GAB2: variants seen among roughly 807,000 people sequenced by gnomAD.
GAB2 encodes the protein GRB2-associated-binding protein 2.
In GAB2, 26 loss-of-function variants were observed where a neutral mutation model predicts 65.5. The ratio of observed to expected loss-of-function variants is 0.40; its 90% CI spans 0.29 to 0.55. The LOEUF (loss-of-function observed/expected upper bound fraction) is 0.55, where lower values mean the gene tolerates loss of function less well. GAB2 is among the 20% of genes least tolerant of loss of function. The pLI is 0.53. For synonymous variants in GAB2, 321 were observed against 329.6 expected, an observed-to-expected ratio of 0.97 and a Z score of 0.28; for missense variants, 884 against 875.8, an observed-to-expected ratio of 1.01 and a Z score of -0.12.
At chr11:78,382,654 CA>C (rs1449235925) in intron 1 of GAB2, among the ~76,000 whole-genome samples, 6 of 152,152 alleles carry the variant, frequency 3.9e-5, no homozygotes, top group Non-Finnish European at 7.4e-5. Flanking sequence ...GCATGGAAAG[CA>C]ATGCATTCCT....
At chr11:78,361,546 A>G (rs1317770271) in intron 1 of GAB2, among the ~76,000 whole-genome samples, 1 of 152,238 alleles carries the variant, frequency 6.6e-6, no homozygotes, top group Non-Finnish European at 1.5e-5. Flanking sequence ...GAGCTCCTAC[A>G]AATCAGTAAG....
At chr11:78,253,616 T>A (rs1391909946) in intron 2 of GAB2, among the ~76,000 whole-genome samples, 2 of 152,136 alleles carry the variant, frequency 1.3e-5, no homozygotes, top group Admixed American at 1.3e-4. Flanking sequence ...GACATTTTCC[T>A]GTTTCTTTCT....
rs549340276 is a variant in GAB2 at position 78,217,142 on chromosome 11, C to G, written c.*2130G>C. On this transcript the variant is annotated 3_prime_UTR_variant, in exon 10 of 10. Transcript: ENST00000361507. ...CCTAGAATCCACCTTCCCTGATCCC[C>G]CACTCCTGCCTCTGACACCAACCTC... The G allele has an allele frequency of 1.4e-5, 2 of 145,824 alleles. No individual in the cohort carries two copies. The highest frequency in any genetic ancestry group is 4.1e-4 in the East Asian group (2 of 4,822). The allele number at this position is 145,824 out of a possible 1,614,324, so 9.0% of individuals were successfully genotyped here.
chr11:78,231,336 G>GTGTGTGTGTGT (rs1554975133), intron 3 of GAB2, among the ~76,000 whole-genome samples: 7 of 145,796 alleles, frequency 4.8e-5, no homozygotes, highest in African/African-American at 1.8e-4. Context: ...GCGCGTGTGT[G>GTGTGTGTGTGT]GTGTGTGTGT....
At chr11:78,237,089 A>G (rs561133212) in intron 3 of GAB2, among the ~76,000 whole-genome samples, 21 of 152,236 alleles carry the variant, frequency 1.4e-4, no homozygotes, top group African/African-American at 4.1e-4. Context: ...CCCTCCTCCT[A>G]TGTTTTCTGA....
chr11:78,394,384 A>G (rs1007632662), intron 1 of GAB2, among the ~76,000 whole-genome samples: 1 of 152,174 alleles, frequency 6.6e-6, no homozygotes, highest in Non-Finnish European at 1.5e-5. Context: ...ACAGTCCACA[A>G]AAGAAGAGCA....
chr11:78,221,561 A>C (rs937155178), intron 8 of GAB2, 116 bp downstream of exon 8: 31 of 558,878 alleles, frequency 5.5e-5, no homozygotes, highest in Non-Finnish European at 9.9e-5. Context: ...TAAATCATGA[A>C]TAATACAAGG....
chr11:78,277,039 G>C (rs1299227239), intron 2 of GAB2, among the ~76,000 whole-genome samples: 1 of 152,062 alleles, frequency 6.6e-6, no homozygotes, highest in South Asian at 2.1e-4. Flanking sequence ...GGATGGTGTC[G>C]ATCTCCTAAC....
At chr11:78,322,200 G>T (rs1431085464) in intron 1 of GAB2, among the ~76,000 whole-genome samples, 1 of 148,958 alleles carries the variant, frequency 6.7e-6, no homozygotes, top group Non-Finnish European at 1.5e-5. Flanking sequence ...AGCTACTCAG[G>T]AGGCCGAGGC....
chr11:78,255,463 C>CT (rs1865570479), intron 2 of GAB2, among the ~76,000 whole-genome samples: 1 of 152,116 alleles, frequency 6.6e-6, no homozygotes, highest in Non-Finnish European at 1.5e-5. Context: ...AATTACAAAG[C>CT]TAAATTCAGA....
At chr11:78,390,428 A>G (rs371190580) in intron 1 of GAB2, among the ~76,000 whole-genome samples, 3 of 152,246 alleles carry the variant, frequency 2.0e-5, no homozygotes, top group African/African-American at 7.2e-5. Context: ...TCTACAAAAA[A>G]GAAAATAAAA....
intron 2 of GAB2, among the ~76,000 whole-genome samples, chr11:78,275,668 T>G (rs1159589399): frequency 2.6e-5 from 4 of 152,212 alleles, no homozygotes; most frequent in African/African-American, 7.2e-5. Context: ...CTCTGATAAT[T>G]AGAACACTAG....
At chr11:78,271,567 G>A (rs538099393) in intron 2 of GAB2, among the ~76,000 whole-genome samples, 82 of 152,320 alleles carry the variant, frequency 5.4e-4, no homozygotes, top group African/African-American at 1.9e-3. Flanking sequence ...GTGAAGACTG[G>A]AAGGTGGCAG....
intron 1 of GAB2, among the ~76,000 whole-genome samples, chr11:78,376,927 G>A (rs1565177988): frequency 6.6e-6 from 1 of 152,210 alleles, no homozygotes; most frequent in Non-Finnish European, 1.5e-5. Context: ...GATCCCTCAT[G>A]GCTTGGTGCT....
intron 2 of GAB2, among the ~76,000 whole-genome samples, chr11:78,263,587 C>T (rs1235273483): frequency 2.0e-5 from 3 of 149,416 alleles, no homozygotes; most frequent in South Asian, 2.1e-4. Context: ...GAGCCGAGAT[C>T]GCGCCACTGC....
chr11:78,282,166 C>T (rs757712005), intron 1 of GAB2, among the ~76,000 whole-genome samples: 3 of 152,188 alleles, frequency 2.0e-5, no homozygotes, highest in African/African-American at 2.4e-5. Flanking sequence ...GAATTGAACA[C>T]GTGATTACAT....
rs574818871 is a variant in GAB2 at position 78,231,960 on chromosome 11, G to A, written c.621-4909C>T. 16 of 152,264 alleles carry A rather than the reference G, an allele frequency of 1.1e-4. No individual in the cohort carries two copies. In the South Asian group the frequency reaches 3.1e-3, roughly 30 times the overall value. The allele number at this position is 152,264 out of a possible 1,614,324, so 9.4% of individuals were successfully genotyped here. A position where few individuals can be genotyped will look rare whatever the true frequency, so the allele number is the denominator to read the frequency against. ...CTCTTGCATTTGACCCATTCCAAAT[G>A]GATCCTTCCTGTGAAAGAAGAAAAC... On this transcript the variant is annotated intron_variant, in intron 3 of 9. Coordinates refer to ENST00000361507, the MANE Select transcript of GAB2 (RefSeq NM_080491.3).
At chr11:78,224,920 A>G (rs1706565222) in intron 5 of GAB2, among the ~76,000 whole-genome samples, 188 bp downstream of exon 5, 1 of 152,144 alleles carries the variant, frequency 6.6e-6, no homozygotes, top group Non-Finnish European at 1.5e-5. Flanking sequence ...CATTTCTTCC[A>G]GACTAGAATA....
At chr11:78,316,043 C>T (rs1223982651) in intron 1 of GAB2, among the ~76,000 whole-genome samples, 2 of 152,164 alleles carry the variant, frequency 1.3e-5, no homozygotes, top group Non-Finnish European at 1.5e-5. Context: ...ACTCCCCCTC[C>T]CCCTGCCATA....
Sources: gnomAD v4.1 joint callset for allele counts (sites outside exome capture counted in the v4.1 genomes callset) on GRCh38, gnomAD v4.1.1 for gene constraint, MANE v1.5 for transcripts, NCBI Gene and HGNC (gene_info 2026-07-23, HGNC 2026-07-21) for gene names.